SLFN12L: variants seen among roughly 807,000 people sequenced by gnomAD.
SLFN12L encodes the protein schlafen family member 12 like.
In SLFN12L, 34 loss-of-function variants were observed where a neutral mutation model predicts 34.8. The ratio of observed to expected loss-of-function variants is 0.98; its 90% CI spans 0.74 to 1.30. The LOEUF (loss-of-function observed/expected upper bound fraction) is 1.30, where lower values mean the gene tolerates loss of function less well. Among genes scored for constraint, SLFN12L ranks in the 50% most tolerant of loss-of-function variants. SLFN12L has a pLI of 0.00. For missense variants in SLFN12L, 703 were observed against 696.2 expected, an observed-to-expected ratio of 1.01 and a Z score of -0.11; for synonymous variants, 259 against 247.5, an observed-to-expected ratio of 1.05 and a Z score of -0.44.
intron 2 of SLFN12L, among the ~76,000 whole-genome samples, chr17:35,488,385 A>G (rs1050548858): frequency 2.0e-5 from 3 of 152,216 alleles, no homozygotes; most frequent in African/African-American, 7.2e-5. Flanking sequence ...TTGCTCTCAG[A>G]GAGACAGAGT....
chr17:35,514,853 G>T, intron 2 of SLFN12L: 1 of 398,158 alleles, frequency 2.5e-6, no homozygotes, highest in South Asian at 2.1e-5. Flanking sequence ...CTGGATCACT[G>T]GTAGTGGAAG....
Position 35,474,770 on chromosome 17 carries a change from A to G in SLFN12L, c.*153T>C. The G allele has an allele frequency of 5.6e-6, 1 of 179,230 alleles. No homozygotes were observed. The highest frequency in any genetic ancestry group is 1.5e-4 in the South Asian group (1 of 6,766). 11.1% of individuals were successfully genotyped at this position (179,230 alleles called of 1,614,324 possible). A position where few individuals can be genotyped will look rare whatever the true frequency, so the allele number is the denominator to read the frequency against. ...GAAACCCCATCTCTGCTAAAAATACAAAAAAAAAAAAATTAGCCAGGTGTG... is the reference window on the plus strand; with the variant it reads ...GAAACCCCATCTCTGCTAAAAATACGAAAAAAAAAAAATTAGCCAGGTGTG... On this transcript the variant is annotated 3_prime_UTR_variant, in exon 5 of 5. Coordinates refer to ENST00000628453, the MANE Select transcript of SLFN12L (RefSeq NM_001363830.2).
chr17:35,484,126 CTG>C (rs1033386862), intron 2 of SLFN12L, among the ~76,000 whole-genome samples: 18 of 152,298 alleles, frequency 1.2e-4, no homozygotes, highest in Non-Finnish European at 2.5e-4. Flanking sequence ...TTTGGGGACT[CTG>C]TGCTTTTGCA....
intron 2 of SLFN12L, among the ~76,000 whole-genome samples, chr17:35,493,295 G>T (rs1385946737): frequency 6.6e-6 from 1 of 152,110 alleles, no homozygotes; most frequent in African/African-American, 2.4e-5. Context: ...ATGCACTGTG[G>T]GGTTTTTCCT....
chr17:35,522,682 T>A lies in SLFN12L; in HGVS notation c.-318A>T. 6.2e-7 allele frequency: 1 copy of A among 1,613,250 alleles called. No individual in the cohort carries two copies. Among genetic ancestry groups the A allele is most frequent in the Non-Finnish European group, 8.5e-7 (1 of 1,179,328 alleles). ...GAGGACCTTGGCCCTGACACACACC[T>A]CCCCAGTGTAGCCCCCCATGTTCAC... On this transcript the variant is annotated 5_prime_UTR_variant, in exon 2 of 5. Transcript: ENST00000628453.
intron 2 of SLFN12L, chr17:35,515,201 C>A (rs1057175876): frequency 1.7e-6 from 1 of 592,346 alleles, no homozygotes; most frequent in Non-Finnish European, 3.3e-6. Context: ...TTCCCCAGAA[C>A]GCTGAGTGTG....
chr17:35,495,777 A>G (rs1404201466), intron 2 of SLFN12L, among the ~76,000 whole-genome samples: 1 of 151,816 alleles, frequency 6.6e-6, no homozygotes, highest in Admixed American at 6.6e-5. Context: ...TCTGACACCA[A>G]CTGGCGCTGT....
At chr17:35,487,767 G>T in intron 2 of SLFN12L, 2 of 1,535,970 alleles carry the variant, frequency 1.3e-6, no homozygotes, top group Non-Finnish European at 8.7e-7. Context: ...CAAGTAGGGG[G>T]ACCTGAGTTC....
intron 2 of SLFN12L, among the ~76,000 whole-genome samples, chr17:35,518,784 G>A (rs1915913238): frequency 6.6e-6 from 1 of 152,210 alleles, no homozygotes; most frequent in Non-Finnish European, 1.5e-5. Context: ...GTGGAAGACA[G>A]TGTGGCAATT....
intron 1 of SLFN12L, among the ~76,000 whole-genome samples, chr17:35,533,328 T>C (rs570363598): frequency 3.2e-4 from 49 of 152,358 alleles, no homozygotes; most frequent in Middle Eastern, 6.8e-3. Context: ...AATCATTTAC[T>C]CAACAAATAT....
At chr17:35,499,448 A>G (rs986298832) in intron 2 of SLFN12L, among the ~76,000 whole-genome samples, 7 of 152,268 alleles carry the variant, frequency 4.6e-5, no homozygotes, top group African/African-American at 1.7e-4. Flanking sequence ...AAGCCTAATT[A>G]AAGACCTTTA....
chr17:35,507,899 G>C (rs374065921), intron 2 of SLFN12L, among the ~76,000 whole-genome samples: 1 of 152,210 alleles, frequency 6.6e-6, no homozygotes, highest in Non-Finnish European at 1.5e-5. Context: ...GATTCTCAAA[G>C]AGGGGGAATA....
At position 35,473,264 on chromosome 17, in the gene SLFN12L, T is replaced by G. The variant is rs1208844897; in HGVS notation, c.*1659A>C. On this transcript the variant is annotated 3_prime_UTR_variant, in exon 5 of 5. Transcript: ENST00000628453. ...GGGAATGCTTCCAGGTTTTGCCCAT[T>G]CAGTATGATATTGGCTGTGGGTTTG... is the stretch of plus-strand genomic sequence containing the variant. Among the ~76,000 whole-genome samples, 1 of 152,210 alleles carries G rather than the reference T, an allele frequency of 6.6e-6. No individual in the cohort carries two copies.
Position 35,469,331 on chromosome 17 carries a change from T to C in SLFN12L, c.*5592A>G, listed in dbSNP as rs1299406263. 7.2e-6 allele frequency among the ~76,000 whole-genome samples: 1 copy of C among 139,568 alleles called. No individual in the cohort carries two copies. The allele number at this position is 139,568 out of a possible 152,430, so 91.6% of individuals were successfully genotyped here. ...TATATATATATTATATATATAAATA[T>C]ATATATAATATATATATATATGTAT... On this transcript the variant is annotated 3_prime_UTR_variant, in exon 5 of 5. Coordinates refer to ENST00000628453, the MANE Select transcript of SLFN12L (RefSeq NM_001363830.2).
intron 2 of SLFN12L, chr17:35,500,028 A>G (rs1316713609): frequency 6.6e-6 from 1 of 152,524 alleles, no homozygotes; most frequent in African/African-American, 2.4e-5. Context: ...GTTACTTTGG[A>G]TGGAAAATTC....
rs1480246820 is a variant in SLFN12L, at chr17:35,522,836, G to A, written c.-472C>T. ...CCTGCAAATTCAGGTCCACAGCCTA[G>A]CTTCTAGAGAGGATCACAATTCCCC... On this transcript the variant is annotated 5_prime_UTR_variant, in exon 2 of 5. Coordinates refer to ENST00000628453, the MANE Select transcript of SLFN12L (RefSeq NM_001363830.2). 46 of 1,259,428 alleles carry A rather than the reference G, an allele frequency of 3.7e-5. No homozygotes were observed. The highest frequency in any genetic ancestry group is 3.8e-5 in the Admixed American group (2 of 53,216). 78.0% of individuals were successfully genotyped at this position (1,259,428 alleles called of 1,614,324 possible).
intron 2 of SLFN12L, among the ~76,000 whole-genome samples, chr17:35,511,457 A>G (rs895348277): frequency 5.3e-5 from 8 of 152,188 alleles, no homozygotes; most frequent in African/African-American, 1.4e-4. Flanking sequence ...AGTGTGACAT[A>G]AGTTCTAGTT....
chr17:35,478,806 A>C (rs56033496), intron 3 of SLFN12L, among the ~76,000 whole-genome samples: 29,790 of 152,154 alleles, frequency 0.2, 3,302 homozygotes, highest in Middle Eastern at 0.31. Flanking sequence ...GTTACAGAAA[A>C]TGAGCCCTGA....
At chr17:35,496,115 C>A (rs748874874) in intron 2 of SLFN12L, among the ~76,000 whole-genome samples, 3 of 152,028 alleles carry the variant, frequency 2.0e-5, no homozygotes, top group Non-Finnish European at 4.4e-5. Flanking sequence ...GCCCTGGGAA[C>A]TAAGGACGTG....
Sources: allele counts gnomAD v4.1 joint callset (sites outside exome capture counted in the v4.1 genomes callset), GRCh38; gene constraint gnomAD v4.1.1; transcripts MANE v1.5; gene names NCBI Gene and HGNC (gene_info 2026-07-23, HGNC 2026-07-21).